CERCAM: variants seen among roughly 807,000 people sequenced by gnomAD.
The protein encoded by CERCAM is inactive glycosyltransferase 25 family member 3.
In CERCAM, 59 loss-of-function variants were observed where a neutral mutation model predicts 66.0. The observed-to-expected ratio is 0.89, with a 90% CI of 0.73 to 1.11. The LOEUF (loss-of-function observed/expected upper bound fraction) is 1.11, where lower values mean the gene tolerates loss of function less well. Ranked by LOEUF, CERCAM falls within the 50% of genes most tolerant of loss-of-function variation. The pLI is 0.00. For missense variants in CERCAM, 840 were observed against 828.3 expected, an observed-to-expected ratio of 1.01 and a Z score of -0.17; for synonymous variants, 318 against 343.6, an observed-to-expected ratio of 0.93 and a Z score of 0.83.
At chr9:128,421,299 C>T in intron 1 of CERCAM, 3 of 1,227,160 alleles carry the variant, frequency 2.4e-6, no homozygotes, top group Non-Finnish European at 3.0e-6. Flanking sequence ...GGACACCCAC[C>T]CCTCCTTCTG....
chr9:128,429,111 G>C, intron 8 of CERCAM, 75 bp downstream of exon 8: 2 of 1,074,496 alleles, frequency 1.9e-6, no homozygotes, highest in Non-Finnish European at 2.7e-6. Flanking sequence ...CGCTAGGACT[G>C]GGAAAAGCAG....
At chr9:128,433,424 C>T (rs542908340) in intron 9 of CERCAM, among the ~76,000 whole-genome samples, 2 of 152,186 alleles carry the variant, frequency 1.3e-5, no homozygotes, top group East Asian at 3.9e-4. Flanking sequence ...ATGGGAACTG[C>T]AAGCCACTTC....
chr9:128,425,139 C>T (rs1283035765), intron 5 of CERCAM, among the ~76,000 whole-genome samples: 6 of 151,450 alleles, frequency 4.0e-5, no homozygotes, highest in Admixed American at 2.0e-4. Context: ...TCACTGCAAG[C>T]TCCGCCTCCC....
Position 128,435,796 on chromosome 9 carries a change from G to T in CERCAM, c.1679G>T (p.Gly560Val). The change falls in exon 12 of 13, where the codon GGC (glycine) becomes GTC (valine). Residue 560 changes from glycine to valine, a missense_variant. Physicochemically the swap from Gly to Val is moderately radical, Grantham distance 109. Coordinates refer to ENST00000372838, the MANE Select transcript of CERCAM (RefSeq NM_016174.5). ...TCCTCTCCATGGGATGATGACAGCG[G>T]CCGCCTCATCAGCTGGAGCGGCTCC... ...ETSSPWDDDS[G>V]RLISWSGSQK... 2 of 1,612,518 alleles carry T rather than the reference G, an allele frequency of 1.2e-6. No homozygotes were observed. Among genetic ancestry groups the T allele is most frequent in the Non-Finnish European group, 1.7e-6 (2 of 1,179,620 alleles).
In CERCAM at chr9:128,434,410, C is replaced by T. The variant is rs777290474; in HGVS notation, c.1332C>T (p.Ile444=). The T allele has an allele frequency of 3.7e-6, 6 of 1,613,814 alleles. No homozygotes were observed. In the African/African-American group the frequency reaches 8.0e-5, roughly 22 times the overall value. Reference sequence around the variant, plus strand: ...CTGGGCCCCTTGGTGTCACTTACAGCTACCTCGGACGGAAGCAGGTGAACC... The same window carrying T: ...CTGGGCCCCTTGGTGTCACTTACAGTTACCTCGGACGGAAGCAGGTGAACC... The part of the protein sequence containing the change: ...VEAEKLSWDL[I]YLGRKQVNPE... The change falls in exon 11 of 13, where the codon ATC becomes ATT. Residue 444 remains isoleucine, a splice_region_variant and synonymous_variant. Transcript: ENST00000372838. The surrounding 1 kb of genome is among the most constrained non-coding windows in gnomAD (Gnocchi z 4.5).
At chr9:128,429,195 G>T (rs368150453) in intron 8 of CERCAM, among the ~76,000 whole-genome samples, 159 bp downstream of exon 8, 14 of 152,124 alleles carry the variant, frequency 9.2e-5, no homozygotes, top group African/African-American at 2.9e-4. Flanking sequence ...GGGAGTTCCG[G>T]AGCAGACACA....
intron 1 of CERCAM, 64 bp downstream of exon 1, chr9:128,421,138 C>A: frequency 7.9e-7 from 1 of 1,259,780 alleles, no homozygotes; most frequent in Non-Finnish European, 1.0e-6. Flanking sequence ...ATGGCCCCCG[C>A]CCCCGGCGGC....
At chr9:128,425,604 C>A (rs926661735) in intron 5 of CERCAM, among the ~76,000 whole-genome samples, 1 of 151,662 alleles carries the variant, frequency 6.6e-6, no homozygotes, top group Non-Finnish European at 1.5e-5. Context: ...CTCTGCCTTC[C>A]GGGTTCAAGC....
At chr9:128,425,420 A>G (rs999849459) in intron 5 of CERCAM, among the ~76,000 whole-genome samples, 1 of 152,104 alleles carries the variant, frequency 6.6e-6, no homozygotes, top group South Asian at 2.1e-4. Flanking sequence ...CTAATCTCAA[A>G]GTCTTGGGAA....
chr9:128,421,580 C>T (rs931737733), intron 1 of CERCAM: 25 of 941,068 alleles, frequency 2.7e-5, no homozygotes, highest in African/African-American at 5.3e-5. Flanking sequence ...CCACCGCCCC[C>T]GTGCTGGGGC....
upstream of CERCAM, chr9:128,420,779 C>G (rs1833687929): frequency 5.2e-6 from 2 of 382,260 alleles, no homozygotes; most frequent in East Asian, 1.2e-4. This position sits in a 1 kb window ranked among gnomAD's most constrained non-coding sequence, Gnocchi z 5.0. Context: ...CCCGCCCTCT[C>G]CGGGTCTGCC....
intron 3 of CERCAM, 84 bp downstream of exon 3, chr9:128,423,347 T>G (rs1293861600): frequency 2.6e-6 from 3 of 1,142,088 alleles, no homozygotes; most frequent in Non-Finnish European, 3.9e-6. Flanking sequence ...CTGGGTGCAG[T>G]GGCTCACGCC....
chr9:128,431,414 G>T, intron 9 of CERCAM, 111 bp downstream of exon 9: 1 of 1,435,314 alleles, frequency 7.0e-7, no homozygotes, highest in Non-Finnish European at 9.5e-7. Context: ...TCAAAACCTG[G>T]CCAGCAGCTT....
rs982865939 is a variant in CERCAM, at chr9:128,435,948, G to T, written c.*43G>T. On this transcript the variant is annotated intron_variant, in intron 12 of 12. Coordinates refer to ENST00000372838, the MANE Select transcript of CERCAM (RefSeq NM_016174.5). ...AGAGGCCCCAGCCCCGTAGACCTTG[G>T]CTTGCTCTCCCCTTTGATGGCATAA... is the stretch of plus-strand genomic sequence containing the variant. 6 of 1,547,388 alleles carry T rather than the reference G, an allele frequency of 3.9e-6. No homozygotes were observed. The African/African-American group carries it at 8.2e-5, about 21-fold the overall frequency.
Position 128,434,277 on chromosome 9 carries a change from G to A in CERCAM, c.1331+48G>A, listed in dbSNP as rs1296860556. ...GACAAGGGGGCAGGGTGGGCCTCCG[G>A]AGTCTGCCTTTTCCTGCTTGGGACC... On this transcript the variant is annotated intron_variant, in intron 10 of 12. Coordinates refer to ENST00000372838, the MANE Select transcript of CERCAM (RefSeq NM_016174.5). This position sits in a 1 kb window ranked among gnomAD's most constrained non-coding sequence, Gnocchi z 4.5. 1 of 1,610,282 alleles carries A rather than the reference G, an allele frequency of 6.2e-7. No individual in the cohort carries two copies. The highest frequency in any genetic ancestry group is 1.7e-5 in the Admixed American group (1 of 59,794).
chr9:128,435,962 T>C, intron 12 of CERCAM, 57 bp downstream of exon 12: 8 of 1,516,098 alleles, frequency 5.3e-6, no homozygotes, highest in Non-Finnish European at 7.1e-6. Flanking sequence ...GCTCTCCCCT[T>C]TGATGGCATA....
chr9:128,433,373 C>T (rs1054453731), intron 9 of CERCAM, among the ~76,000 whole-genome samples: 2 of 151,996 alleles, frequency 1.3e-5, no homozygotes, highest in African/African-American at 2.4e-5. Context: ...ATCACTTGAA[C>T]CCGGGAGGCA....
chr9:128,421,300 C>G, intron 1 of CERCAM: 3 of 1,226,704 alleles, frequency 2.4e-6, no homozygotes, highest in East Asian at 3.2e-5. Flanking sequence ...GACACCCACC[C>G]CTCCTTCTGG....
chr9:128,433,366 A>G (rs1388201533), intron 9 of CERCAM, among the ~76,000 whole-genome samples: 1 of 151,390 alleles, frequency 6.6e-6, no homozygotes, highest in Non-Finnish European at 1.5e-5. Flanking sequence ...CAGGAGAATC[A>G]CTTGAACCCG....
Sources: allele counts gnomAD v4.1 joint callset (sites outside exome capture counted in the v4.1 genomes callset), GRCh38; gene constraint gnomAD v4.1.1; non-coding constraint Gnocchi (gnomAD v3.1); transcripts MANE v1.5; gene names NCBI Gene and HGNC (gene_info 2026-07-23, HGNC 2026-07-21).